SGCZ: variants seen among roughly 807,000 people sequenced by gnomAD.
SGCZ encodes zeta-sarcoglycan.
SGCZ carries 40 observed loss-of-function variants against 41.3 expected under a neutral mutation model. The observed-to-expected ratio is 0.97, with a 90% CI of 0.75 to 1.26. The LOEUF (loss-of-function observed/expected upper bound fraction) is 1.26, where lower values mean the gene tolerates loss of function less well. Ranked by LOEUF, SGCZ falls within the 50% of genes most tolerant of loss-of-function variation. The pLI, the probability that SGCZ is intolerant of heterozygous loss-of-function variation, is 0.00. For missense variants in SGCZ, 552 were observed against 369.8 expected, an observed-to-expected ratio of 1.49 and a Z score of -4.04; for synonymous variants, 206 against 137.5, an observed-to-expected ratio of 1.50 and a Z score of -3.49.
chr8:14,998,260 A>T (rs1285807013), intron 1 of SGCZ, among the ~76,000 whole-genome samples: 1 of 152,250 alleles, frequency 6.6e-6, no homozygotes, highest in African/African-American at 2.4e-5. Context: ...TAAACCGTTA[A>T]GAATATAACA....
At chr8:14,937,283 A>T (rs1054690723) in intron 1 of SGCZ, among the ~76,000 whole-genome samples, 1 of 152,028 alleles carries the variant, frequency 6.6e-6, no homozygotes, top group Non-Finnish European at 1.5e-5. Context: ...TTGACAACTT[A>T]AATAAAATAT....
chr8:14,690,198 T>C (rs1808754975), intron 1 of SGCZ, among the ~76,000 whole-genome samples: 1 of 151,696 alleles, frequency 6.6e-6, no homozygotes, highest in Non-Finnish European at 1.5e-5. Context: ...ACAGGAAGCA[T>C]TTTTAGAAAA....
intron 1 of SGCZ, among the ~76,000 whole-genome samples, chr8:14,754,008 G>A (rs912992041): frequency 1.3e-5 from 2 of 152,080 alleles, no homozygotes; most frequent in Non-Finnish European, 2.9e-5. Context: ...TCAATTCAGG[G>A]CTATCTCATA....
intron 1 of SGCZ, among the ~76,000 whole-genome samples, chr8:15,059,851 TCCTTTGTC>T (rs1335542298): frequency 2.0e-5 from 3 of 152,192 alleles, no homozygotes; most frequent in Non-Finnish European, 4.4e-5. Flanking sequence ...GGTCTTTTCA[TCCTTTGTC>T]TCAGTAACTT....
intron 1 of SGCZ, among the ~76,000 whole-genome samples, chr8:14,889,315 TA>T (rs1198967303): frequency 6.6e-6 from 1 of 152,032 alleles, no homozygotes; most frequent in Admixed American, 6.6e-5. Context: ...TGTAGATAGA[TA>T]AAAATCCTGT....
At chr8:15,147,265 A>T (rs1313721854) in intron 1 of SGCZ, among the ~76,000 whole-genome samples, 2 of 152,054 alleles carry the variant, frequency 1.3e-5, no homozygotes, top group Admixed American at 6.6e-5. Context: ...AGCAGAAATT[A>T]AAAGGACATC....
chr8:14,611,222 C>G (rs930432371), intron 1 of SGCZ, among the ~76,000 whole-genome samples: 1 of 152,042 alleles, frequency 6.6e-6, no homozygotes, highest in Non-Finnish European at 1.5e-5. Context: ...TTCCTCTATC[C>G]TTTTCAAATA....
At chr8:15,136,181 C>T (rs1808099361) in intron 1 of SGCZ, among the ~76,000 whole-genome samples, 1 of 152,096 alleles carries the variant, frequency 6.6e-6, no homozygotes, top group African/African-American at 2.4e-5. Context: ...GCCCCACCTC[C>T]TGAGTAGAGT....
chr8:14,512,893 T>C (rs1802507515), intron 2 of SGCZ, among the ~76,000 whole-genome samples: 1 of 152,024 alleles, frequency 6.6e-6, no homozygotes, highest in Non-Finnish European at 1.5e-5. Context: ...TAAACACAGA[T>C]CCTCCCAGCT....
intron 2 of SGCZ, among the ~76,000 whole-genome samples, chr8:14,363,302 C>G (rs182097814): frequency 6.6e-6 from 1 of 152,236 alleles, no homozygotes; most frequent in Admixed American, 6.5e-5. Flanking sequence ...TGTCCACAGC[C>G]TGGTAATAAG....
At chr8:15,126,631 C>A (rs1360308985) in intron 1 of SGCZ, among the ~76,000 whole-genome samples, 1 of 152,070 alleles carries the variant, frequency 6.6e-6, no homozygotes, top group East Asian at 1.9e-4. Flanking sequence ...CCAACTTTAC[C>A]TGGGAAAGTC....
At chr8:14,863,376 G>T (rs150629246) in intron 1 of SGCZ, among the ~76,000 whole-genome samples, 1 of 152,228 alleles carries the variant, frequency 6.6e-6, no homozygotes, top group African/African-American at 2.4e-5. Context: ...CCAGGCTGGA[G>T]TGTAGTGACA....
At chr8:14,939,477 C>A (rs1040965320) in intron 1 of SGCZ, among the ~76,000 whole-genome samples, 2 of 151,998 alleles carry the variant, frequency 1.3e-5, no homozygotes, top group African/African-American at 2.4e-5. Context: ...ATTTAATGAG[C>A]AAATAAAATC....
intron 2 of SGCZ, among the ~76,000 whole-genome samples, chr8:14,483,186 A>T (rs1801581509): frequency 6.6e-6 from 1 of 152,218 alleles, no homozygotes; most frequent in African/African-American, 2.4e-5. Context: ...GAGGCAGATC[A>T]GATTTTTACA....
At chr8:14,764,057 A>G (rs1465756951) in intron 1 of SGCZ, among the ~76,000 whole-genome samples, 1 of 152,208 alleles carries the variant, frequency 6.6e-6, no homozygotes, top group Non-Finnish European at 1.5e-5. Context: ...CAGGGAAAGT[A>G]TAAGAACAGC....
At chr8:14,873,995 A>T (rs1003869098) in intron 1 of SGCZ, among the ~76,000 whole-genome samples, 4 of 152,070 alleles carry the variant, frequency 2.6e-5, no homozygotes, top group Non-Finnish European at 5.9e-5. Context: ...GATTAGCAAC[A>T]TTATGGGGCA....
chr8:14,239,392 C>T (rs1236101369), intron 3 of SGCZ, among the ~76,000 whole-genome samples: 1 of 151,972 alleles, frequency 6.6e-6, no homozygotes, highest in African/African-American at 2.4e-5. Flanking sequence ...GTCTATGAAA[C>T]ATCCTGCAGT....
At chr8:14,485,935 G>A (rs992266414) in intron 2 of SGCZ, among the ~76,000 whole-genome samples, 1 of 144,750 alleles carries the variant, frequency 6.9e-6, no homozygotes, top group Non-Finnish European at 1.5e-5. Flanking sequence ...TCCGCTTCCC[G>A]GGTTCGCGCC....
chr8:14,210,449 GTAT>G lies in SGCZ; in HGVS notation c.424+27140_424+27142del, dbSNP rs890869153. The stretch of plus-strand genomic sequence containing the variant: ...TTCCCTTTCTAGTACACTTAAAATA[GTAT>G]TATGCAACTTGAACTTTTTTTTTTT... On this transcript the variant is annotated intron_variant, in intron 4 of 7. Coordinates refer to ENST00000382080, the MANE Select transcript of SGCZ (RefSeq NM_139167.4). Among the ~76,000 whole-genome samples the G allele has an allele frequency of 3.5e-5, 5 of 141,654 alleles. No individual in the cohort carries two copies. The East Asian group carries it at 1.1e-3, about 31-fold the overall frequency. 92.9% of individuals were successfully genotyped at this position (141,654 alleles called of 152,430 possible). A position where few individuals can be genotyped will look rare whatever the true frequency, so the allele number is the denominator to read the frequency against.
Sources: gnomAD v4.1 joint callset for allele counts (sites outside exome capture counted in the v4.1 genomes callset) on GRCh38, gnomAD v4.1.1 for gene constraint, MANE v1.5 for transcripts, NCBI Gene and HGNC (gene_info 2026-07-23, HGNC 2026-07-21) for gene names.